HNRNPLL: variants seen among roughly 807,000 people sequenced by gnomAD.
HNRNPLL encodes the protein heterogeneous nuclear ribonucleoprotein L-like.
HNRNPLL carries 25 observed loss-of-function variants against 67.1 expected under a neutral mutation model. The ratio of observed to expected loss-of-function variants is 0.37; its 90% CI spans 0.27 to 0.52. The LOEUF is 0.52. Among genes scored for constraint, HNRNPLL ranks in the 20% least tolerant of loss-of-function variants. The pLI is 0.90. For missense variants in HNRNPLL, 542 were observed against 673.9 expected (o/e 0.80, Z 2.17); for synonymous variants, 267 against 241.7 (o/e 1.10, Z -0.97).
At chr2:38,598,122 C>T (rs533555323) in intron 1 of HNRNPLL, among the ~76,000 whole-genome samples, 99 of 151,942 alleles carry the variant, frequency 6.5e-4, no homozygotes, top group Non-Finnish European at 1.3e-3. Context: ...AAAACAACTC[C>T]GTATTATTAT....
chr2:38,596,937 A>G (rs1667217933), intron 1 of HNRNPLL, among the ~76,000 whole-genome samples: 1 of 152,246 alleles, frequency 6.6e-6, no homozygotes, highest in African/African-American at 2.4e-5. Flanking sequence ...TTTGGTCTCT[A>G]CTACAGGCTC....
At chr2:38,572,882 A>G (rs1666147034) in intron 8 of HNRNPLL, among the ~76,000 whole-genome samples, 1 of 152,018 alleles carries the variant, frequency 6.6e-6, no homozygotes, top group South Asian at 2.1e-4. Flanking sequence ...TGCTCTTTCA[A>G]CCTGTTAAAC....
intron 12 of HNRNPLL, among the ~76,000 whole-genome samples, chr2:38,567,675 C>G (rs1359505109): frequency 6.6e-6 from 1 of 152,124 alleles, no homozygotes; most frequent in Non-Finnish European, 1.5e-5. Context: ...ACTGTTTGGT[C>G]TCTGTGACCA....
At position 38,563,143 on chromosome 2, in the gene HNRNPLL, A is replaced by G. The variant is rs1665724222; in HGVS notation, c.*1039T>C. 1 of 151,916 alleles carries G rather than the reference A, an allele frequency of 6.6e-6. No individual in the cohort carries two copies. Among genetic ancestry groups the G allele is most frequent in the African/African-American group, 2.4e-5 (1 of 41,398 alleles). 9.4% of individuals were successfully genotyped at this position (151,916 alleles called of 1,614,324 possible). On this transcript the variant is annotated 3_prime_UTR_variant, in exon 13 of 13. Transcript: ENST00000449105. The stretch of plus-strand genomic sequence containing the variant: ...TTTGGTCCTTAAATCTTACTTGCCT[A>G]TGTATAAAATCTATTATCTTAAAAA...
Position 38,569,334 on chromosome 2 carries a change from G to A in HNRNPLL, c.1215C>T (p.Cys405=), listed in dbSNP as rs750351989. ...VKLFGKRLNV[C]VSKQHSVVPS... ...GAACAACTGAATGTTGTTTAGACAC[G>A]CTAAAGATTGTAAAGAAAAGACATA... Residue 405 remains cysteine, a splice_region_variant and synonymous_variant, in exon 10 of 13, where the codon TGC becomes TGT. Coordinates refer to ENST00000449105, the MANE Select transcript of HNRNPLL (RefSeq NM_138394.4). 6.3e-6 allele frequency: 10 copies of A among 1,597,460 alleles called. No homozygotes were observed. Among genetic ancestry groups the A allele is most frequent in the Non-Finnish European group, 6.0e-6 (7 of 1,166,564 alleles).
chr2:38,577,674 T>C (rs1666353138), intron 6 of HNRNPLL, 142 bp from the exon 7 acceptor site: 1 of 625,246 alleles, frequency 1.6e-6, no homozygotes. Context: ...TAAACATCCA[T>C]TCATATCCAA....
intron 3 of HNRNPLL, 134 bp downstream of exon 3, chr2:38,585,507 CTTG>C (rs893877087): frequency 1.2e-4 from 76 of 608,770 alleles, no homozygotes; most frequent in African/African-American, 1.2e-3. Context: ...GTTCATTAAA[CTTG>C]TTAAGATTAA....
intron 1 of HNRNPLL, among the ~76,000 whole-genome samples, chr2:38,593,605 C>T (rs748899049): frequency 1.3e-4 from 20 of 152,098 alleles, no homozygotes; most frequent in Non-Finnish European, 2.6e-4. Flanking sequence ...CAACCAAATG[C>T]TGGGCCAGAC....
intron 1 of HNRNPLL, among the ~76,000 whole-genome samples, chr2:38,597,785 G>C (rs1024478523): frequency 6.6e-6 from 1 of 151,782 alleles, no homozygotes; most frequent in African/African-American, 2.4e-5. Flanking sequence ...GCCCCTCCAG[G>C]TTTAGCAATT....
intron 2 of HNRNPLL, among the ~76,000 whole-genome samples, chr2:38,587,078 G>A (rs1012703078): frequency 5.9e-5 from 9 of 152,136 alleles, no homozygotes; most frequent in African/African-American, 1.9e-4. Flanking sequence ...TTTCGTAATA[G>A]CAGAAGGCCA....
chr2:38,596,336 T>C (rs571472795), intron 1 of HNRNPLL, among the ~76,000 whole-genome samples: 44 of 7,102 alleles, frequency 6.2e-3, no homozygotes, highest in Admixed American at 0.024. Context: ...AAGGTCTCAC[T>C]GCAAACCTGT....
At chr2:38,573,532 T>C in intron 7 of HNRNPLL, 105 bp from the exon 8 acceptor site, 1 of 724,216 alleles carries the variant, frequency 1.4e-6, no homozygotes, top group South Asian at 1.7e-5. Context: ...AAACTCTTAA[T>C]ATTAGCTAGT....
At chr2:38,578,180 TTAAAG>T (rs1666372456) in intron 6 of HNRNPLL, among the ~76,000 whole-genome samples, 1 of 151,968 alleles carries the variant, frequency 6.6e-6, no homozygotes, top group African/African-American at 2.4e-5. Flanking sequence ...ACCCCAAACT[TTAAAG>T]ATGCCAAGAT....
intron 1 of HNRNPLL, among the ~76,000 whole-genome samples, chr2:38,599,417 G>A (rs1427163504): frequency 6.6e-6 from 1 of 152,130 alleles, no homozygotes; most frequent in African/African-American, 2.4e-5. Flanking sequence ...AGAAGATACA[G>A]AAACTTAATA....
At chr2:38,592,944 T>C (rs1222825235) in intron 1 of HNRNPLL, among the ~76,000 whole-genome samples, 1 of 152,236 alleles carries the variant, frequency 6.6e-6, no homozygotes, top group Non-Finnish European at 1.5e-5. Flanking sequence ...CCAATTTTTC[T>C]TTATTATAAA....
chr2:38,569,952 G>A, intron 8 of HNRNPLL, 27 bp from the exon 9 acceptor site: 1 of 1,539,394 alleles, frequency 6.5e-7, no homozygotes, highest in Non-Finnish European at 8.8e-7. Context: ...CCAAAAAGGT[G>A]ACCATTTAAT....
At chr2:38,586,041 A>G in intron 2 of HNRNPLL, among the ~76,000 whole-genome samples, 160 bp from the exon 3 acceptor site, 1 of 145,756 alleles carries the variant, frequency 6.9e-6, no homozygotes, top group Non-Finnish European at 1.5e-5. Flanking sequence ...TTTTTTTTTG[A>G]GACGGAGTCT....
Position 38,582,219 on chromosome 2 carries a change from A to G in HNRNPLL, c.633-51T>C, listed in dbSNP as rs764958823. 5 of 1,148,364 alleles carry G rather than the reference A, an allele frequency of 4.4e-6. No individual in the cohort carries two copies. The South Asian group carries it at 6.1e-5, about 14-fold the overall frequency. 71.1% of individuals were successfully genotyped at this position (1,148,364 alleles called of 1,614,324 possible). A position where few individuals can be genotyped will look rare whatever the true frequency, so the allele number is the denominator to read the frequency against. On this transcript the variant is annotated intron_variant, in intron 4 of 12. Coordinates refer to ENST00000449105, the MANE Select transcript of HNRNPLL (RefSeq NM_138394.4). ...TTAAGGTATCTGATACTTAATCATT[A>G]TTCACTCCCAAAGGACAGGATTGAA... is the stretch of plus-strand genomic sequence containing the variant.
At position 38,573,330 on chromosome 2, in the gene HNRNPLL, GGAAGA is replaced by G. The variant is rs1198794163; in HGVS notation, c.967_971del (p.Ser323LeufsTer16). The stretch of plus-strand genomic sequence containing the variant: ...AGGGATTTCCTCCATGCATGTAAGA[GGAAGA>G]AGCCTGTGGTAATGGATAAGCAACA... On this transcript the variant is annotated frameshift_variant, in exon 8 of 13. Coordinates refer to ENST00000449105, the MANE Select transcript of HNRNPLL (RefSeq NM_138394.4). LOFTEE classifies it high-confidence loss of function. The G allele has an allele frequency of 6.2e-7, 1 of 1,612,282 alleles. No individual in the cohort carries two copies. The highest frequency in any genetic ancestry group is 1.7e-5 in the Admixed American group (1 of 59,738).
Sources: allele counts gnomAD v4.1 joint callset (sites outside exome capture counted in the v4.1 genomes callset), GRCh38; gene constraint gnomAD v4.1.1; transcripts MANE v1.5; gene names NCBI Gene and HGNC (gene_info 2026-07-23, HGNC 2026-07-21).